The following ZNF189 variants were observed in gnomAD, a reference collection of about 807,000 sequenced individuals.
ZNF189 encodes the protein zinc finger protein 189.
Under a neutral mutation model 53.5 loss-of-function variants are expected in ZNF189, and 33 were observed. The ratio of observed to expected loss-of-function variants is 0.62; its 90% CI spans 0.47 to 0.82. ZNF189 has a LOEUF of 0.82. Among genes scored for constraint, ZNF189 ranks in the 40% least tolerant of loss-of-function variants. The pLI is 0.00. For missense variants in ZNF189, 711 were observed against 753.9 expected, an observed-to-expected ratio of 0.94 and a Z score of 0.67; for synonymous variants, 247 against 238.8, an observed-to-expected ratio of 1.03 and a Z score of -0.32.
intron 2 of ZNF189, among the ~76,000 whole-genome samples, chr9:101,406,142 C>A (rs904938608): frequency 1.3e-5 from 2 of 151,380 alleles, no homozygotes; most frequent in Admixed American, 1.3e-4. Context: ...GAAACAGAAA[C>A]CAGATTTCGC....
At chr9:101,406,068 A>AG (rs1830700244) in intron 2 of ZNF189, among the ~76,000 whole-genome samples, 1 of 152,036 alleles carries the variant, frequency 6.6e-6, no homozygotes, top group African/African-American at 2.4e-5. Context: ...AAAAAAAAAA[A>AG]AAATGCCCGT....
At chr9:101,400,084 C>A in intron 2 of ZNF189, 74 bp downstream of exon 2, 1 of 1,560,556 alleles carries the variant, frequency 6.4e-7, no homozygotes. Flanking sequence ...AACATTTGGA[C>A]GGAAACCAGT....
chr9:101,399,463 C>T, intron 1 of ZNF189: 1 of 1,316,544 alleles, frequency 7.6e-7, no homozygotes, highest in Non-Finnish European at 9.6e-7. Flanking sequence ...TGTGAGTTCT[C>T]CAGGTGAAGC....
At chr9:101,403,296 G>T (rs747510758) in intron 2 of ZNF189, among the ~76,000 whole-genome samples, 10 of 152,150 alleles carry the variant, frequency 6.6e-5, no homozygotes, top group Admixed American at 5.9e-4. Context: ...CTACTTGTAG[G>T]CTGTCTTCTT....
intron 2 of ZNF189, among the ~76,000 whole-genome samples, chr9:101,404,702 A>C (rs1295175847): frequency 6.6e-6 from 1 of 152,198 alleles, no homozygotes; most frequent in African/African-American, 2.4e-5. Context: ...ATCTTCAAGT[A>C]ATGATCATTT....
chr9:101,405,994 G>A (rs1421826982), intron 2 of ZNF189, among the ~76,000 whole-genome samples: 5 of 151,612 alleles, frequency 3.3e-5, no homozygotes, highest in Admixed American at 6.6e-5. Context: ...GAACCCGCGA[G>A]GTGGAGGTTG....
chr9:101,399,153 GGA>G lies in ZNF189; in HGVS notation c.-1_1del. 1 of 1,594,282 alleles carries G rather than the reference GGA, an allele frequency of 6.3e-7. No individual in the cohort carries two copies. On this transcript the variant is annotated 5_prime_UTR_variant, in exon 1 of 3. Transcript: ENST00000339664. ...AATTCCTGCCCCTATTCTCTGCCTG[GGA>G]GATGGCTTCCCCGAGCCCCCCGCCG... is the stretch of plus-strand genomic sequence containing the variant.
Position 101,408,871 on chromosome 9 carries a change from G to A in ZNF189, c.1103G>A (p.Gly368Asp). 1 of 1,614,142 alleles carries A rather than the reference G, an allele frequency of 6.2e-7. No individual in the cohort carries two copies. The highest frequency in any genetic ancestry group is 8.5e-7 in the Non-Finnish European group (1 of 1,180,024). ...FLIEHQRIHT[G>D]ERPYQCKECG... ...ATTGAACATCAGAGGATCCATACTG[G>A]TGAAAGACCTTATCAGTGCAAAGAG... Residue 368 changes from glycine (G) to aspartate (D), a missense_variant, in exon 3 of 3, where the codon GGT (glycine) becomes GAT (aspartate). Gly to Asp is a moderately conservative substitution (Grantham distance 94, BLOSUM62 -1). Transcript: ENST00000339664.
chr9:101,403,453 C>A (rs957608789), intron 2 of ZNF189, among the ~76,000 whole-genome samples: 1 of 152,190 alleles, frequency 6.6e-6, no homozygotes, highest in Non-Finnish European at 1.5e-5. Flanking sequence ...ATGCAGTATT[C>A]TCTTCTACAT....
Position 101,409,806 on chromosome 9 carries a change from A to G in ZNF189, c.*157A>G. On this transcript the variant is annotated 3_prime_UTR_variant, in exon 3 of 3. Transcript: ENST00000339664. The stretch of plus-strand genomic sequence containing the variant: ...TTCTGTGAATAGTGGACAACTGCCC[A>G]TGAGCATTTGACTTCCCTTACTCTT... 2 of 777,102 alleles carry G rather than the reference A, an allele frequency of 2.6e-6. No homozygotes were observed. The highest frequency in any genetic ancestry group is 3.9e-6 in the Non-Finnish European group (2 of 507,748). 48.1% of individuals were successfully genotyped at this position (777,102 alleles called of 1,614,324 possible).
chr9:101,398,992 G>T lies in ZNF189; in HGVS notation c.-165G>T. The stretch of plus-strand genomic sequence containing the variant: ...GACAGCCAGGGATCGCGTCTGATAT[G>T]CTGTTGGGGTCGTGACCGTCTGGGG... On this transcript the variant is annotated 5_prime_UTR_variant, in exon 1 of 3. An upstream start codon of the reference 5' UTR is lost. Coordinates refer to ENST00000339664, the MANE Select transcript of ZNF189 (RefSeq NM_003452.4). 1 of 713,626 alleles carries T rather than the reference G, an allele frequency of 1.4e-6. No individual in the cohort carries two copies. The highest frequency in any genetic ancestry group is 2.6e-6 in the Non-Finnish European group (1 of 385,180). 44.2% of individuals were successfully genotyped at this position (713,626 alleles called of 1,614,324 possible).
intron 2 of ZNF189, among the ~76,000 whole-genome samples, chr9:101,403,301 C>A (rs1322167486): frequency 6.6e-6 from 1 of 152,108 alleles, no homozygotes; most frequent in Non-Finnish European, 1.5e-5. Context: ...TGTAGGCTGT[C>A]TTCTTTATTT....
chr9:101,406,455 A>G (rs1292592986), intron 2 of ZNF189, among the ~76,000 whole-genome samples: 3 of 152,208 alleles, frequency 2.0e-5, no homozygotes, highest in African/African-American at 7.2e-5. Context: ...TTGGCAGATA[A>G]TTTTATAGGT....
In ZNF189 at chr9:101,410,237, C is replaced by G. The variant is rs1055079397; in HGVS notation, c.*588C>G. On this transcript the variant is annotated 3_prime_UTR_variant, in exon 3 of 3. Transcript: ENST00000339664. ...TCTATGAAATGAGTGGACCATTAAC[C>G]TTACATGTAAAGATTATGTTAGTAA... 3 of 152,636 alleles carry G rather than the reference C, an allele frequency of 2.0e-5. No homozygotes were observed. Among genetic ancestry groups the G allele is most frequent in the Admixed American group, 2.0e-4 (3 of 15,280 alleles). The allele number at this position is 152,636 out of a possible 1,614,324, so 9.5% of individuals were successfully genotyped here.
At chr9:101,403,525 A>T (rs766149653) in intron 2 of ZNF189, among the ~76,000 whole-genome samples, 1 of 152,078 alleles carries the variant, frequency 6.6e-6, no homozygotes, top group African/African-American at 2.4e-5. Flanking sequence ...CTTTTCATTC[A>T]TACTTTTCCT....
intron 2 of ZNF189, 32 bp downstream of exon 2, chr9:101,400,042 T>A (rs753749018): frequency 1.2e-5 from 19 of 1,608,446 alleles, no homozygotes; most frequent in Non-Finnish European, 8.5e-6. Flanking sequence ...AATTAAAATA[T>A]CTAAGAAGGT....
rs1166528395 is a variant in ZNF189, at chr9:101,410,276, C to T, written c.*627C>T. 6.5e-6 allele frequency: 1 copy of T among 152,708 alleles called. No individual in the cohort carries two copies. The highest frequency in any genetic ancestry group is 2.1e-4 in the South Asian group (1 of 4,824). 9.5% of individuals were successfully genotyped at this position (152,708 alleles called of 1,614,324 possible). On this transcript the variant is annotated 3_prime_UTR_variant, in exon 3 of 3. Transcript: ENST00000339664. ...TTATGTTAGTAATTAAGAAACCTAA[C>T]AAAGGTGTTACCAAGGAACCTTTGG...
chr9:101,409,028 A>T lies in ZNF189; in HGVS notation c.1260A>T (p.Arg420Ser), dbSNP rs1250113108. 1.2e-6 allele frequency: 2 copies of T among 1,614,032 alleles called. No homozygotes were observed. The highest frequency in any genetic ancestry group is 1.7e-5 in the Admixed American group (1 of 59,994). ...GCTCAGGTCTTATTCAGCATCAGAG[A>T]ATTCACACCAGGGAGAAGACTTATC... is the stretch of plus-strand genomic sequence containing the variant. ...SRSSGLIQHQRIHTREKTYPY... is the reference protein window; with the variant it reads ...SRSSGLIQHQSIHTREKTYPY... The change falls in exon 3 of 3, where the codon AGA becomes AGT. Residue 420 changes from arginine (R) to serine (S), a missense_variant. Transcript: ENST00000339664.
Position 101,408,807 on chromosome 9 carries a change from A to G in ZNF189, c.1039A>G (p.Ile347Val), listed in dbSNP as rs778065723. 1 of 1,614,134 alleles carries G rather than the reference A, an allele frequency of 6.2e-7. No homozygotes were observed. Reference protein sequence around the residue: ...IHTGEKPFLCIECGKSFSRSS... With the variant: ...IHTGEKPFLCVECGKSFSRSS... ...CACTGGCGAGAAGCCTTTTCTTTGT[A>G]TTGAGTGTGGAAAAAGTTTCAGTCG... The change falls in exon 3 of 3, where the codon ATT (isoleucine) becomes GTT (valine). Residue 347 changes from isoleucine (I) to valine (V), a missense_variant. Transcript: ENST00000339664.
Sources: allele counts gnomAD v4.1 joint callset (sites outside exome capture counted in the v4.1 genomes callset), GRCh38; gene constraint gnomAD v4.1.1; transcripts MANE v1.5; gene names NCBI Gene and HGNC (gene_info 2026-07-23, HGNC 2026-07-21).